RBFOX1: variants seen among roughly 807,000 people sequenced by gnomAD.
RBFOX1 encodes RNA binding protein fox-1 homolog 1.
A neutral mutation model predicts 57.7 loss-of-function variants in RBFOX1; 8 were observed. That is an observed-to-expected ratio of 0.14 (90% CI 0.08 to 0.25). The LOEUF (loss-of-function observed/expected upper bound fraction) is 0.25, where lower values mean the gene tolerates loss of function less well. RBFOX1 is among the 10% of genes least tolerant of loss of function. The pLI, the probability that RBFOX1 is intolerant of heterozygous loss-of-function variation, is 1.00. For synonymous variants in RBFOX1, 326 were observed against 222.4 expected (o/e 1.47, Z -4.15); for missense variants, 611 against 548.5 (o/e 1.11, Z -1.14).
Position 6,758,975 on chromosome 16 carries a change from T to C in RBFOX1, c.-16+104325T>C, listed in dbSNP as rs4786930. The stretch of plus-strand genomic sequence containing the variant: ...TTGCTTTCTAAGCTAGAAAAATGGA[T>C]GTTGAACTTAAATCTATTCAGACAA... On this transcript the variant is annotated intron_variant, in intron 3 of 15. Coordinates refer to ENST00000550418, the MANE Select transcript of RBFOX1 (RefSeq NM_018723.4). 5.9e-5 allele frequency among the ~76,000 whole-genome samples: 9 copies of C among 152,032 alleles called. 1 individual carries two copies. In the Middle Eastern group the frequency reaches 0.01, roughly 172 times the overall value.
chr16:5,575,268 C>A (rs781478069), intron 2 of RBFOX1, among the ~76,000 whole-genome samples: 7 of 152,148 alleles, frequency 4.6e-5, no homozygotes, highest in African/African-American at 9.7e-5. Flanking sequence ...TAAAGAAAAG[C>A]AAACCATTGA....
chr16:6,663,305 C>T (rs542553569), intron 3 of RBFOX1, among the ~76,000 whole-genome samples: 26 of 152,194 alleles, frequency 1.7e-4, no homozygotes, highest in African/African-American at 6.0e-4. Context: ...AGTTTGCTGC[C>T]GTGAGGAAGA....
chr16:5,427,310 C>T (rs925402668), intron 1 of RBFOX1, among the ~76,000 whole-genome samples: 4 of 152,206 alleles, frequency 2.6e-5, no homozygotes, highest in African/African-American at 9.7e-5. Flanking sequence ...CGTGGCTGGG[C>T]ACGGTGGCTC....
At chr16:6,249,972 T>C (rs2097595252) in intron 1 of RBFOX1, among the ~76,000 whole-genome samples, 1 of 151,910 alleles carries the variant, frequency 6.6e-6, no homozygotes, top group South Asian at 2.1e-4. Flanking sequence ...ACTCTGGCAG[T>C]GGAGCAGGAA....
At chr16:6,926,739 GCA>G (rs2075659328) in intron 3 of RBFOX1, among the ~76,000 whole-genome samples, 1 of 152,162 alleles carries the variant, frequency 6.6e-6, no homozygotes, top group Admixed American at 6.5e-5. Flanking sequence ...GTGAAAGAGA[GCA>G]CACTTCTTGG....
rs2049450461 is a variant in RBFOX1, at chr16:5,656,949, G to A, written c.318+57988G>A. Among the ~76,000 whole-genome samples the A allele has an allele frequency of 3.3e-5, 5 of 152,260 alleles. No homozygotes were observed. In the South Asian group the frequency reaches 1.0e-3, roughly 32 times the overall value. On this transcript the variant is annotated intron_variant, in intron 3 of 19. Transcript: ENST00000641259. The stretch of plus-strand genomic sequence containing the variant: ...ACCTGTCAGGGGGTGGGGAGCAAGG[G>A]GAGGGAGAACGTTAGGACAAATATT...
chr16:7,683,997 C>T (rs145697980), intron 14 of RBFOX1, among the ~76,000 whole-genome samples: 40 of 152,132 alleles, frequency 2.6e-4, no homozygotes, highest in African/African-American at 8.9e-4. Context: ...AGGTAGTATA[C>T]TATGGATGGT....
chr16:7,384,670 A>C (rs1271545638), intron 4 of RBFOX1, among the ~76,000 whole-genome samples: 1 of 152,180 alleles, frequency 6.6e-6, no homozygotes, highest in African/African-American at 2.4e-5. Flanking sequence ...TAAGGTAAAT[A>C]AGACCATCCT....
intron 10 of RBFOX1, among the ~76,000 whole-genome samples, chr16:7,623,636 C>G (rs906279817): frequency 2.6e-5 from 4 of 152,166 alleles, no homozygotes; most frequent in Admixed American, 6.5e-5. Flanking sequence ...TCACCTGCAG[C>G]TCACCTCCTG....
chr16:5,696,110 C>T (rs2050835534), intron 3 of RBFOX1, among the ~76,000 whole-genome samples: 1 of 152,108 alleles, frequency 6.6e-6, no homozygotes, highest in African/African-American at 2.4e-5. Flanking sequence ...AGTGAACCTC[C>T]TGTAGTCACC....
At chr16:5,735,664 A>T (rs1298090843) in intron 3 of RBFOX1, among the ~76,000 whole-genome samples, 2 of 152,110 alleles carry the variant, frequency 1.3e-5, no homozygotes, top group African/African-American at 4.8e-5. Context: ...TGGGAGGCCA[A>T]AGTGGGTGGG....
At chr16:6,892,562 C>G (rs1206240928) in intron 3 of RBFOX1, among the ~76,000 whole-genome samples, 2 of 152,122 alleles carry the variant, frequency 1.3e-5, no homozygotes, top group African/African-American at 4.8e-5. Context: ...CTCTGCTACT[C>G]AGGAGCCTGA....
chr16:5,808,208 T>A (rs1412119967), intron 3 of RBFOX1, among the ~76,000 whole-genome samples: 1 of 152,276 alleles, frequency 6.6e-6, no homozygotes, highest in Admixed American at 6.5e-5. Context: ...GACAGAGGCA[T>A]GTACAGAGTG....
rs373513283 is a variant in RBFOX1 at position 7,114,114 on chromosome 16, A to T, written c.27+62016A>T. ...ACTTGGGCTATTTTAAGAAAAAAGA[A>T]ACCTGAAACCTCTTGAGTTTTTAAC... On this transcript the variant is annotated intron_variant, in intron 4 of 15. Coordinates refer to ENST00000550418, the MANE Select transcript of RBFOX1 (RefSeq NM_018723.4). Among the ~76,000 whole-genome samples the T allele has an allele frequency of 2.6e-5, 4 of 152,208 alleles. No homozygotes were observed. In the South Asian group the frequency reaches 8.3e-4, roughly 32 times the overall value.
chr16:6,572,764 T>G (rs2097362998), intron 2 of RBFOX1, among the ~76,000 whole-genome samples: 3 of 152,158 alleles, frequency 2.0e-5, no homozygotes, highest in African/African-American at 7.2e-5. Context: ...GCTAATTTTT[T>G]GTGTCTTTTA....
chr16:6,948,540 G>T (rs999649487), intron 3 of RBFOX1, among the ~76,000 whole-genome samples: 10 of 151,620 alleles, frequency 6.6e-5, no homozygotes, highest in Non-Finnish European at 1.3e-4. Flanking sequence ...CCACCACCAT[G>T]CCCAGCTAAT....
chr16:5,451,541 A>C (rs1471628512), intron 1 of RBFOX1, among the ~76,000 whole-genome samples: 1 of 152,366 alleles, frequency 6.6e-6, no homozygotes, highest in East Asian at 1.9e-4. Flanking sequence ...CAAAGATGGA[A>C]GGAACTCCAC....
chr16:6,739,093 A>T (rs1283168767), intron 3 of RBFOX1, among the ~76,000 whole-genome samples: 1 of 152,114 alleles, frequency 6.6e-6, no homozygotes, highest in Admixed American at 6.6e-5. Context: ...GGGAAAGAAG[A>T]GCTAAATAAA....
chr16:6,088,154 T>A (rs59666168), intron 1 of RBFOX1, among the ~76,000 whole-genome samples: 11,719 of 152,198 alleles, frequency 0.077, 628 homozygotes, highest in East Asian at 0.2. Flanking sequence ...CTATTCTGAT[T>A]TACTCTACCA....
Sources: gnomAD v4.1 joint callset for allele counts (sites outside exome capture counted in the v4.1 genomes callset) on GRCh38, gnomAD v4.1.1 for gene constraint, MANE v1.5 for transcripts, NCBI Gene and HGNC (gene_info 2026-07-23, HGNC 2026-07-21) for gene names.